Variants in ABCA8 observed in about 807,000 individuals in gnomAD.
ABCA8 encodes ATP binding cassette subfamily A member 8.
Under a neutral mutation model 192.3 loss-of-function variants are expected in ABCA8, and 177 were observed. That is an observed-to-expected ratio of 0.92 (90% CI 0.81 to 1.04). The LOEUF (loss-of-function observed/expected upper bound fraction) is 1.04, where lower values mean the gene tolerates loss of function less well. Among genes scored for constraint, ABCA8 ranks in the 50% least tolerant of loss-of-function variants. The pLI is 0.00. For synonymous variants in ABCA8, 642 were observed against 690.2 expected (o/e 0.93, Z 1.09); for missense variants, 1,915 against 1,904.8 (o/e 1.01, Z -0.10).
Position 68,903,433 on chromosome 17 carries a change from T to C in ABCA8, c.2465A>G (p.Glu822Gly). The change falls in exon 20 of 40, where the codon GAA (glutamate) becomes GGA (glycine). Residue 822 changes from glutamate (E) to glycine (G), a missense_variant. Coordinates refer to ENST00000586539, the MANE Select transcript of ABCA8 (RefSeq NM_001288985.2). ...ADDTERLVEMEQVLSSLNKMR... is the reference protein window; with the variant it reads ...ADDTERLVEMGQVLSSLNKMR... ...CTTGTTAAGTGAAGAGAGGACTTGTTCCATCTCAACAAGCCTTTCAGTGTC... is the reference window on the plus strand; with the variant it reads ...CTTGTTAAGTGAAGAGAGGACTTGTCCCATCTCAACAAGCCTTTCAGTGTC... The C allele has an allele frequency of 6.2e-7, 1 of 1,614,168 alleles. No individual in the cohort carries two copies. Among genetic ancestry groups the C allele is most frequent in the East Asian group, 2.2e-5 (1 of 44,882 alleles).
intron 23 of ABCA8, 72 bp from the exon 24 acceptor site, chr17:68,891,668 A>C (rs1366346656): frequency 1.8e-6 from 2 of 1,132,402 alleles, no homozygotes; most frequent in East Asian, 5.2e-5. Context: ...ACATTTTTAA[A>C]ATTTTAGACT....
At chr17:68,890,535 T>C (rs1002398586) in intron 24 of ABCA8, among the ~76,000 whole-genome samples, 1 of 152,218 alleles carries the variant, frequency 6.6e-6, no homozygotes, top group Admixed American at 6.5e-5. Context: ...AATTTATTTT[T>C]TGAGATGGAG....
intron 7 of ABCA8, among the ~76,000 whole-genome samples, chr17:68,930,396 AT>A (rs371252609): frequency 3.3e-5 from 5 of 152,156 alleles, no homozygotes; most frequent in African/African-American, 1.2e-4. Flanking sequence ...GTTAAGAAAG[AT>A]TTTTTTTGAA....
intron 1 of ABCA8, among the ~76,000 whole-genome samples, chr17:68,954,375 G>C (rs1336889654): frequency 6.6e-6 from 1 of 152,042 alleles, no homozygotes; most frequent in Non-Finnish European, 1.5e-5. Flanking sequence ...GCAAACTCCA[G>C]TCTGACTCCA....
intron 29 of ABCA8, 92 bp downstream of exon 29, chr17:68,883,699 A>G (rs763083494): frequency 1.1e-5 from 9 of 795,328 alleles, no homozygotes; most frequent in East Asian, 5.4e-5. Flanking sequence ...TCCTAGCACA[A>G]CGGCACCTCT....
At chr17:68,892,582 T>C (rs1030874465) in intron 23 of ABCA8, among the ~76,000 whole-genome samples, 9 of 152,320 alleles carry the variant, frequency 5.9e-5, no homozygotes, top group Middle Eastern at 3.4e-3. Flanking sequence ...ACAGGATATC[T>C]TGATAGATAG....
chr17:68,891,485 T>G lies in ABCA8; in HGVS notation c.3144+4A>C. On this transcript the variant is annotated splice_donor_region_variant and intron_variant, in intron 24 of 39. Transcript: ENST00000586539. The stretch of plus-strand genomic sequence containing the variant: ...TAATGGAAGTTGCAATTACTCATTA[T>G]TACCTTATAATCATCGATGCTGCTC... 1 of 1,601,948 alleles carries G rather than the reference T, an allele frequency of 6.2e-7. No homozygotes were observed. The highest frequency in any genetic ancestry group is 1.7e-5 in the Admixed American group (1 of 58,966).
At chr17:68,916,998 G>C (rs995777822) in intron 17 of ABCA8, among the ~76,000 whole-genome samples, 1 of 152,112 alleles carries the variant, frequency 6.6e-6, no homozygotes, top group Non-Finnish European at 1.5e-5. Context: ...GGCCGGGCGC[G>C]GTGGCTCACG....
At chr17:68,869,875 ATGG>A in intron 37 of ABCA8, 96 bp from the exon 38 acceptor site, 5 of 857,614 alleles carry the variant, frequency 5.8e-6, no homozygotes, top group East Asian at 5.1e-5. Context: ...CTTTTAAAAA[ATGG>A]TGTTAGGAAC....
chr17:68,922,081 T>C (rs1012463257), intron 12 of ABCA8, among the ~76,000 whole-genome samples, 161 bp downstream of exon 12: 1 of 151,348 alleles, frequency 6.6e-6, no homozygotes, highest in Non-Finnish European at 1.5e-5. Flanking sequence ...CTTATGCAGC[T>C]CAAATAACTC....
chr17:68,944,948 GA>G (rs1365589808), intron 2 of ABCA8: 1 of 152,374 alleles, frequency 6.6e-6, no homozygotes, highest in Non-Finnish European at 1.5e-5. Context: ...ACATGTTGAG[GA>G]AGCCCCATCT....
chr17:68,888,516 T>C (rs969780164), intron 24 of ABCA8, among the ~76,000 whole-genome samples: 1 of 152,124 alleles, frequency 6.6e-6, no homozygotes, highest in East Asian at 1.9e-4. Context: ...GGTAGTTGAA[T>C]TGGTAAGGAA....
At chr17:68,881,381 A>G (rs1312402526) in intron 31 of ABCA8, among the ~76,000 whole-genome samples, 170 bp from the exon 32 acceptor site, 1 of 152,204 alleles carries the variant, frequency 6.6e-6, no homozygotes, top group Non-Finnish European at 1.5e-5. Flanking sequence ...TTGGGGCAGA[A>G]GCTCTCAATG....
chr17:68,887,121 C>A lies in ABCA8; in HGVS notation c.3325G>T (p.Ala1109Ser), dbSNP rs1217335546. The A allele has an allele frequency of 6.3e-7, 1 of 1,596,986 alleles. No homozygotes were observed. The highest frequency in any genetic ancestry group is 8.5e-7 in the Non-Finnish European group (1 of 1,171,064). Residue 1109 changes from alanine (A) to serine (S), a missense_variant, in exon 26 of 40, where the codon GCT becomes TCT. Coordinates refer to ENST00000586539, the MANE Select transcript of ABCA8 (RefSeq NM_001288985.2). ...ATGAGGGAAAAGGAATAACCAACAG[C>A]ACATGGGATCTAAAATCAACAGGAA... ...TIIHIIQIPCAVGYSFSLIFM... is the reference protein window; with the variant it reads ...TIIHIIQIPCSVGYSFSLIFM...
chr17:68,874,829 G>A (rs984491859), intron 37 of ABCA8, among the ~76,000 whole-genome samples: 2 of 152,130 alleles, frequency 1.3e-5, no homozygotes, highest in Admixed American at 1.3e-4. Context: ...AATGTTAATT[G>A]ATTTGAAATA....
At chr17:68,954,664 C>T (rs578075708) in intron 1 of ABCA8, among the ~76,000 whole-genome samples, 8 of 152,260 alleles carry the variant, frequency 5.3e-5, no homozygotes, top group Non-Finnish European at 1.2e-4. Flanking sequence ...CATTCTGATT[C>T]AACTCACTGT....
intron 23 of ABCA8, among the ~76,000 whole-genome samples, chr17:68,892,544 G>A (rs999361141): frequency 2.0e-5 from 3 of 152,134 alleles, no homozygotes; most frequent in Non-Finnish European, 4.4e-5. Context: ...CAGCTGAGCT[G>A]GTTGGTATCT....
rs2067400710 is a variant in ABCA8 at position 68,917,398 on chromosome 17, A to G, written c.2101T>C (p.Phe701Leu). ...CCAATCCCCCATTTCTTCTTTAGAA[A>G]CAAAGAAGAGCCCGCGCACTTTAGC... ...GKLKCAGSSL[F>L]LKKKWGIGYH... The change falls in exon 17 of 40, where the codon TTT becomes CTT. Residue 701 changes from phenylalanine to leucine, a missense_variant. By Grantham distance (22) the Phe-to-Leu change is conservative. Transcript: ENST00000586539. 6.2e-7 allele frequency: 1 copy of G among 1,612,530 alleles called. No individual in the cohort carries two copies. Among genetic ancestry groups the G allele is most frequent in the South Asian group, 1.1e-5 (1 of 90,866 alleles).
intron 2 of ABCA8, among the ~76,000 whole-genome samples, chr17:68,949,076 T>A (rs79781928): frequency 1.3e-5 from 2 of 152,144 alleles, no homozygotes; most frequent in African/African-American, 4.8e-5. Flanking sequence ...ATTTCTGAGG[T>A]CTCTGTCCTG....
Sources: allele counts gnomAD v4.1 joint callset (sites outside exome capture counted in the v4.1 genomes callset), GRCh38; gene constraint gnomAD v4.1.1; transcripts MANE v1.5; gene names NCBI Gene and HGNC (gene_info 2026-07-23, HGNC 2026-07-21).